The following BCHE variants were observed in gnomAD, a reference collection of about 807,000 sequenced individuals.
BCHE encodes cholinesterase.
A neutral mutation model predicts 51.3 loss-of-function variants in BCHE; 48 were observed. The observed-to-expected ratio is 0.94, with a 90% confidence interval of 0.74 to 1.19. BCHE has a LOEUF of 1.19. Among genes scored for constraint, BCHE ranks in the 50% most tolerant of loss-of-function variants. The pLI, the probability that BCHE is intolerant of heterozygous loss-of-function variation, is 0.00. For synonymous variants in BCHE, 251 were observed against 238.0 expected (o/e 1.05, Z -0.50); for missense variants, 847 against 708.2 (o/e 1.20, Z -2.23).
At chr3:165,774,919 A>G (rs1712405531) in intron 3 of BCHE, among the ~76,000 whole-genome samples, 1 of 151,310 alleles carries the variant, frequency 6.6e-6, no homozygotes, top group Non-Finnish European at 1.5e-5. Context: ...AAACTATTAA[A>G]TTACAATGTT....
At chr3:165,835,328 G>A (rs947508539) in intron 1 of BCHE, among the ~76,000 whole-genome samples, 4 of 151,310 alleles carry the variant, frequency 2.6e-5, no homozygotes, top group Admixed American at 2.6e-4. Flanking sequence ...CTATTTTTTG[G>A]GATACTTGAA....
At chr3:165,789,312 CT>C (rs11378582) in intron 2 of BCHE, among the ~76,000 whole-genome samples, 265 of 150,288 alleles carry the variant, frequency 1.8e-3, no homozygotes, top group African/African-American at 6.3e-3. Context: ...AGCAGAGTAT[CT>C]TTTTTTTTAC....
chr3:165,778,781 A>G (rs537960107), intron 3 of BCHE: 224 of 400,546 alleles, frequency 5.6e-4, no homozygotes, highest in African/African-American at 4.0e-3. Flanking sequence ...GACTTTTTAA[A>G]AGATAAATTA....
chr3:165,777,261 T>C (rs1712507169), intron 3 of BCHE, among the ~76,000 whole-genome samples: 1 of 151,984 alleles, frequency 6.6e-6, no homozygotes, highest in South Asian at 2.1e-4. Flanking sequence ...ACCTTATTCA[T>C]ATAACTATGT....
At chr3:165,814,708 T>G (rs1714235940) in intron 2 of BCHE, among the ~76,000 whole-genome samples, 1 of 152,032 alleles carries the variant, frequency 6.6e-6, no homozygotes, top group Non-Finnish European at 1.5e-5. Flanking sequence ...CTTTTCAGCT[T>G]TTGTCAAAAT....
chr3:165,824,191 CAAT>C, intron 2 of BCHE, among the ~76,000 whole-genome samples: 1 of 151,048 alleles, frequency 6.6e-6, no homozygotes, highest in African/African-American at 2.4e-5. Context: ...TATTAGAAAA[CAAT>C]ATAAAAATAT....
At chr3:165,774,764 G>A (rs1460394719) in intron 3 of BCHE, among the ~76,000 whole-genome samples, 1 of 152,194 alleles carries the variant, frequency 6.6e-6, no homozygotes, top group Non-Finnish European at 1.5e-5. Flanking sequence ...AGTTTGCAAA[G>A]TATATGCATG....
chr3:165,787,359 A>G (rs889967730), intron 2 of BCHE, among the ~76,000 whole-genome samples: 12 of 151,894 alleles, frequency 7.9e-5, no homozygotes, highest in African/African-American at 2.9e-4. Flanking sequence ...TTAGACACAG[A>G]TCTAGCCTCT....
At chr3:165,798,905 T>C (rs576103089) in intron 2 of BCHE, among the ~76,000 whole-genome samples, 52 of 152,062 alleles carry the variant, frequency 3.4e-4, no homozygotes, top group African/African-American at 1.3e-3. Context: ...AAAAAAAAAC[T>C]AGAGTATATA....
rs1712942403 is a variant in BCHE, at chr3:165,786,179, C to A, written c.1650G>T (p.Trp550Cys). ...TKLRAQQCRFWTSFFPKVLEM... is the reference protein window; with the variant it reads ...TKLRAQQCRFCTSFFPKVLEM... The stretch of plus-strand genomic sequence containing the variant: ...CCAAGACTTTTGGAAAAAATGATGT[C>A]CAGAATCGACATTGTTGAGCACGTA... The change falls in exon 3 of 4, where the codon TGG becomes TGT. Residue 550 changes from tryptophan to cysteine, a missense_variant. Coordinates refer to ENST00000264381, the MANE Select transcript of BCHE (RefSeq NM_000055.4). 1 of 1,611,982 alleles carries A rather than the reference C, an allele frequency of 6.2e-7. No homozygotes were observed. The highest frequency in any genetic ancestry group is 8.5e-7 in the Non-Finnish European group (1 of 1,178,654).
intron 2 of BCHE, among the ~76,000 whole-genome samples, chr3:165,811,604 T>A (rs1435435334): frequency 6.6e-6 from 1 of 152,072 alleles, no homozygotes; most frequent in African/African-American, 2.4e-5. Context: ...TCTTAGAAAA[T>A]TCTATTTTTG....
chr3:165,834,509 G>A (rs964881595), intron 1 of BCHE, among the ~76,000 whole-genome samples: 2 of 151,788 alleles, frequency 1.3e-5, no homozygotes, highest in Admixed American at 6.6e-5. Context: ...TTCATATACT[G>A]TTAGTGTATT....
At chr3:165,816,016 C>A (rs1384210096) in intron 2 of BCHE, among the ~76,000 whole-genome samples, 1 of 151,566 alleles carries the variant, frequency 6.6e-6, no homozygotes, top group Non-Finnish European at 1.5e-5. Flanking sequence ...ATTTGTCTTT[C>A]ATCAAAAAAA....
At chr3:165,783,002 C>T (rs1484411361) in intron 3 of BCHE, among the ~76,000 whole-genome samples, 2 of 152,046 alleles carry the variant, frequency 1.3e-5, no homozygotes, top group African/African-American at 4.8e-5. Flanking sequence ...CACAAACATT[C>T]AGACCCTAGC....
Position 165,829,800 on chromosome 3 carries a change from T to A in BCHE, c.1234A>T (p.Asn412Tyr). The change falls in exon 2 of 4, where the codon AAC becomes TAC. Residue 412 changes from asparagine (N) to tyrosine (Y), a missense_variant. Coordinates refer to ENST00000264381, the MANE Select transcript of BCHE (RefSeq NM_000055.4). ...ACATCACCCAAGGCCTCACGGTAGT[T>A]TTCAGGTCTCTGATCATCTACCCAG... is the stretch of plus-strand genomic sequence containing the variant. Reference protein sequence around the residue: ...TDWVDDQRPENYREALGDVVG... With the variant: ...TDWVDDQRPEYYREALGDVVG... 6.2e-7 allele frequency: 1 copy of A among 1,613,864 alleles called. No homozygotes were observed. The highest frequency in any genetic ancestry group is 1.1e-5 in the South Asian group (1 of 91,066).
At chr3:165,819,242 C>T (rs1482944773) in intron 2 of BCHE, among the ~76,000 whole-genome samples, 2 of 117,530 alleles carry the variant, frequency 1.7e-5, no homozygotes, top group Non-Finnish European at 3.5e-5. Flanking sequence ...CCACACCCAG[C>T]TAATTTTTGT....
At chr3:165,783,550 G>A (rs893730001) in intron 3 of BCHE, among the ~76,000 whole-genome samples, 2 of 152,026 alleles carry the variant, frequency 1.3e-5, no homozygotes, top group African/African-American at 4.8e-5. Context: ...GATTTTCAAA[G>A]TAACCAGTTC....
At chr3:165,798,207 G>A (rs1050436234) in intron 2 of BCHE, among the ~76,000 whole-genome samples, 3 of 152,076 alleles carry the variant, frequency 2.0e-5, no homozygotes, top group African/African-American at 7.2e-5. Flanking sequence ...AAAGTGATTA[G>A]AATTATACTG....
intron 3 of BCHE, among the ~76,000 whole-genome samples, chr3:165,775,464 T>C (rs186167649): frequency 6.6e-6 from 1 of 151,822 alleles, no homozygotes; most frequent in Non-Finnish European, 1.5e-5. Context: ...ATTTTTATGG[T>C]CTTTTAAAAA....
Sources: allele counts gnomAD v4.1 joint callset (sites outside exome capture counted in the v4.1 genomes callset), GRCh38; gene constraint gnomAD v4.1.1; transcripts MANE v1.5; gene names NCBI Gene and HGNC (gene_info 2026-07-23, HGNC 2026-07-21).